The following STAU2 variants were observed in gnomAD, a reference collection of about 807,000 sequenced individuals.
STAU2 encodes double-stranded RNA-binding protein Staufen homolog 2.
STAU2 carries 20 observed loss-of-function variants against 65.9 expected under a neutral mutation model. The ratio of observed to expected loss-of-function variants is 0.30; its 90% confidence interval spans 0.21 to 0.44. The LOEUF (loss-of-function observed/expected upper bound fraction) is 0.44, where lower values mean the gene tolerates loss of function less well. Ranked by LOEUF, STAU2 falls within the 20% of genes least tolerant of loss-of-function variation. The probability of loss-of-function intolerance (pLI) is 1.00; values close to 1 mark genes in which losing one functional copy is unlikely to be tolerated. For missense variants in STAU2, 558 were observed against 683.9 expected (o/e 0.82, Z 2.05); for synonymous variants, 232 against 233.9 (o/e 0.99, Z 0.07).
At chr8:73,715,984 G>A (rs758633385) in intron 3 of STAU2, among the ~76,000 whole-genome samples, 6 of 151,966 alleles carry the variant, frequency 3.9e-5, no homozygotes, top group East Asian at 1.9e-4. Context: ...GCGCAATCTC[G>A]GCTCACTGCA....
At chr8:73,611,687 TATC>T (rs1812477644) in intron 9 of STAU2, among the ~76,000 whole-genome samples, 1 of 150,246 alleles carries the variant, frequency 6.7e-6, no homozygotes. Flanking sequence ...TTATTATTAT[TATC>T]ATTTTGAGAT....
At chr8:73,692,678 C>T (rs185088125) in intron 4 of STAU2, among the ~76,000 whole-genome samples, 35 of 152,260 alleles carry the variant, frequency 2.3e-4, no homozygotes, top group African/African-American at 7.9e-4. Context: ...TTAGAAGACC[C>T]AGATTTGTGA....
chr8:73,595,561 T>C (rs1483033068), intron 10 of STAU2, among the ~76,000 whole-genome samples: 1 of 152,146 alleles, frequency 6.6e-6, no homozygotes, highest in Admixed American at 6.5e-5. Flanking sequence ...TGCTATTTGA[T>C]TTTTTAAACA....
chr8:73,556,607 A>G (rs1435642935), intron 12 of STAU2, among the ~76,000 whole-genome samples: 2 of 152,184 alleles, frequency 1.3e-5, no homozygotes, highest in Non-Finnish European at 2.9e-5. Flanking sequence ...AATACAAAAA[A>G]TTAGCTGGAC....
At chr8:73,437,569 T>C (rs557181616) in intron 13 of STAU2, among the ~76,000 whole-genome samples, 12 of 152,328 alleles carry the variant, frequency 7.9e-5, no homozygotes, top group Non-Finnish European at 1.6e-4. Flanking sequence ...AACTGCAAGA[T>C]CACACATTGC....
rs1220071846 is a variant in STAU2, at chr8:73,617,471, A to C, written c.411-20T>G. Reference sequence around the variant, plus strand: ...TGATACCTAAAATAAGAAAATAAAAACATTAAAGTTAGCTTAATAAAACCA... The same window carrying C: ...TGATACCTAAAATAAGAAAATAAAACCATTAAAGTTAGCTTAATAAAACCA... On this transcript the variant is annotated intron_variant, in intron 6 of 14. Coordinates refer to ENST00000524300, the MANE Select transcript of STAU2 (RefSeq NM_001164380.2). 1.2e-6 allele frequency: 2 copies of C among 1,607,220 alleles called. No homozygotes were observed. The highest frequency in any genetic ancestry group is 1.3e-5 in the African/African-American group (1 of 74,688).
At chr8:73,446,439 T>C (rs1365900819) in intron 13 of STAU2, among the ~76,000 whole-genome samples, 1 of 152,188 alleles carries the variant, frequency 6.6e-6, no homozygotes, top group Non-Finnish European at 1.5e-5. Context: ...TCTACTAATA[T>C]GGATCTCCAG....
At chr8:73,657,514 C>A (rs1218192478) in intron 6 of STAU2, among the ~76,000 whole-genome samples, 2 of 152,072 alleles carry the variant, frequency 1.3e-5, no homozygotes, top group South Asian at 2.1e-4. Flanking sequence ...GAATTCATAA[C>A]CTTCAACAGT....
In STAU2 at chr8:73,601,213, AAT is replaced by A. The variant is rs1462752147; in HGVS notation, c.1029+2511_1029+2512del. 5.3e-5 allele frequency among the ~76,000 whole-genome samples: 8 copies of A among 152,222 alleles called. 1 individual carries two copies. In the East Asian group the frequency reaches 1.2e-3, roughly 22 times the overall value. ...AACCTAAGAAACTAAAAAGTTCTGA[AAT>A]AGGATTTACCAAAAACTTAATTTTT... is the stretch of plus-strand genomic sequence containing the variant. On this transcript the variant is annotated intron_variant, in intron 10 of 14. Transcript: ENST00000524300.
At chr8:73,708,099 G>C (rs1484003434) in intron 4 of STAU2, among the ~76,000 whole-genome samples, 1 of 152,158 alleles carries the variant, frequency 6.6e-6, no homozygotes, top group Non-Finnish European at 1.5e-5. Context: ...TTCTGTTAAA[G>C]CAAGAACAAA....
chr8:73,446,564 T>A (rs1585774132), intron 13 of STAU2, among the ~76,000 whole-genome samples: 1 of 152,182 alleles, frequency 6.6e-6, no homozygotes, highest in Non-Finnish European at 1.5e-5. Flanking sequence ...TTTAATTATA[T>A]CTAAATGCAA....
intron 13 of STAU2, among the ~76,000 whole-genome samples, chr8:73,482,484 A>C (rs1181664112): frequency 6.6e-6 from 1 of 152,110 alleles, no homozygotes; most frequent in Non-Finnish European, 1.5e-5. Flanking sequence ...GCACTTTGCA[A>C]ACTGACTACT....
Position 73,650,572 on chromosome 8 carries a change from A to G in STAU2, c.410+22535T>C, listed in dbSNP as rs199849099. Among the ~76,000 whole-genome samples, 29 of 152,278 alleles carry G rather than the reference A, an allele frequency of 1.9e-4. No homozygotes were observed. In the East Asian group the frequency reaches 5.4e-3, roughly 28 times the overall value. ...TTCTCTTTAATATTCCTGACAAATGATAACCCCCATCTCTAACTAAACACT... is the reference window on the plus strand; with the variant it reads ...TTCTCTTTAATATTCCTGACAAATGGTAACCCCCATCTCTAACTAAACACT... On this transcript the variant is annotated intron_variant, in intron 6 of 14. Transcript: ENST00000524300.
In STAU2 at chr8:73,709,121, C is replaced by A. The variant is rs1441716130; in HGVS notation, c.25G>T (p.Ala9Ser). The change falls in exon 4 of 15, where the codon GCA (alanine) becomes TCA (serine). Residue 9 changes from alanine to serine, a missense_variant. Physicochemically the swap from Ala to Ser is moderately conservative, Grantham distance 99. Transcript: ENST00000524300. MANPKEKT[A>S]MCLVNELARF... is the part of the protein sequence containing the mutation. ...GCTAACTCATTTACCAGACACATTG[C>A]AGTTTTCTCTTTTGGGTTTGCCATT... 2 of 1,531,896 alleles carry A rather than the reference C, an allele frequency of 1.3e-6. No homozygotes were observed. Among genetic ancestry groups the A allele is most frequent in the African/African-American group, 1.4e-5 (1 of 72,978 alleles). The allele number at this position is 1,531,896 out of a possible 1,614,324, so 94.9% of individuals were successfully genotyped here.
At chr8:73,684,217 G>A (rs1818631260) in intron 5 of STAU2, among the ~76,000 whole-genome samples, 1 of 152,068 alleles carries the variant, frequency 6.6e-6, no homozygotes, top group African/African-American at 2.4e-5. Context: ...TACATTATAA[G>A]GCTATAGTCT....
intron 13 of STAU2, chr8:73,549,958 C>T (rs973232392): frequency 1.0e-6 from 1 of 985,628 alleles, no homozygotes; most frequent in Non-Finnish European, 1.2e-6. Flanking sequence ...AGAGGGTTAC[C>T]TATAAAGAAA....
intron 13 of STAU2, among the ~76,000 whole-genome samples, chr8:73,442,015 G>A (rs1818182218): frequency 6.6e-6 from 1 of 152,070 alleles, no homozygotes; most frequent in South Asian, 2.1e-4. Context: ...CAGCTGAAAG[G>A]AAAGCACATC....
intron 12 of STAU2, among the ~76,000 whole-genome samples, chr8:73,558,450 T>C (rs568766907): frequency 1.1e-4 from 17 of 152,360 alleles, no homozygotes; most frequent in Admixed American, 1.1e-3. Flanking sequence ...ATGAATCCTC[T>C]GGCACACAAA....
chr8:73,569,258 G>C (rs945099702), intron 12 of STAU2, among the ~76,000 whole-genome samples: 1 of 152,128 alleles, frequency 6.6e-6, no homozygotes, highest in Non-Finnish European at 1.5e-5. Context: ...GTGAGGCTGG[G>C]GGAGGGCCGT....
Sources: gnomAD v4.1 joint callset for allele counts (sites outside exome capture counted in the v4.1 genomes callset) on GRCh38, gnomAD v4.1.1 for gene constraint, MANE v1.5 for transcripts, NCBI Gene and HGNC (gene_info 2026-07-23, HGNC 2026-07-21) for gene names.